The following ZNF875 variants were observed in gnomAD, a reference collection of about 807,000 sequenced individuals.
ZNF875 encodes HKR1, GLI-Kruppel zinc finger family member.
ZNF875 carries 14 observed loss-of-function variants against 11.2 expected under a neutral mutation model. The ratio of observed to expected loss-of-function variants is 1.26; its 90% confidence interval spans 0.83 to 1.96. The LOEUF (loss-of-function observed/expected upper bound fraction) is 1.96. ZNF875 is among the 30% of genes most tolerant of loss of function. The pLI, the probability that ZNF875 is intolerant of heterozygous loss-of-function variation, is 0.00. For missense variants in ZNF875, 752 were observed against 760.4 expected, an observed-to-expected ratio of 0.99 and a Z score of 0.13; for synonymous variants, 301 against 281.1, an observed-to-expected ratio of 1.07 and a Z score of -0.71.
intron 4 of ZNF875, among the ~76,000 whole-genome samples, chr19:37,353,259 A>G (rs1201040513): frequency 1.3e-5 from 2 of 152,170 alleles, no homozygotes; most frequent in Admixed American, 1.3e-4. Context: ...CAGGGCTTAC[A>G]ATATGTATTT....
chr19:37,326,915 G>A (rs1030955299), intron 4 of ZNF875, among the ~76,000 whole-genome samples: 9 of 151,800 alleles, frequency 5.9e-5, no homozygotes, highest in African/African-American at 1.9e-4. Flanking sequence ...TGATCTGCCC[G>A]CCTCAGCCTC....
At chr19:37,333,141 A>G (rs1212482064), upstream of ZNF875, among the ~76,000 whole-genome samples, 3 of 152,158 alleles carry the variant, frequency 2.0e-5, no homozygotes, top group Non-Finnish European at 4.4e-5. Flanking sequence ...TTTATTACAA[A>G]TACCCCATCA....
intron 4 of ZNF875, among the ~76,000 whole-genome samples, chr19:37,325,221 A>T (rs1234855415): frequency 1.3e-5 from 2 of 152,110 alleles, no homozygotes; most frequent in East Asian, 3.9e-4. Flanking sequence ...CTGTGCATAG[A>T]TGGGGGCCCG....
chr19:37,317,660 C>T (rs1312033308), upstream of ZNF875, among the ~76,000 whole-genome samples: 4 of 152,244 alleles, frequency 2.6e-5, no homozygotes, highest in Non-Finnish European at 5.9e-5. Flanking sequence ...CGTTCCAGCG[C>T]TGAAATGCGC....
chr19:37,320,297 A>C (rs1326340846), intron 1 of ZNF875, among the ~76,000 whole-genome samples: 1 of 152,220 alleles, frequency 6.6e-6, no homozygotes, highest in Non-Finnish European at 1.5e-5. Flanking sequence ...TCTTGAATAC[A>C]GGCTGTAGAG....
chr19:37,355,643 T>C (rs1031123488), intron 4 of ZNF875, among the ~76,000 whole-genome samples: 9 of 152,188 alleles, frequency 5.9e-5, no homozygotes, highest in Middle Eastern at 3.2e-3. Flanking sequence ...TAGAATAATA[T>C]GGTTTTTTAC....
intron 4 of ZNF875, among the ~76,000 whole-genome samples, chr19:37,349,934 C>T (rs1448216484): frequency 6.7e-6 from 1 of 150,268 alleles, no homozygotes. Context: ...GGATTACAGA[C>T]GTGAGCCACC....
exon 1 of ZNF875, chr19:37,317,928 C>G (rs1173862767): frequency 6.5e-6 from 1 of 154,582 alleles, no homozygotes; most frequent in Non-Finnish European, 1.4e-5. Context: ...CAGATGGCGT[C>G]CGAGTGCACA....
chr19:37,320,921 C>G (rs1381129865), intron 1 of ZNF875, among the ~76,000 whole-genome samples: 1 of 152,218 alleles, frequency 6.6e-6, no homozygotes, highest in Non-Finnish European at 1.5e-5. Context: ...AACCCTACCC[C>G]CAACCCTGTG....
upstream of ZNF875, among the ~76,000 whole-genome samples, chr19:37,332,904 T>G (rs966269321): frequency 3.9e-5 from 6 of 152,184 alleles, no homozygotes; most frequent in African/African-American, 1.4e-4. Context: ...GTGGTTCAGA[T>G]TTACAAGGGT....
At chr19:37,330,758 G>A (rs879944381), upstream of ZNF875, among the ~76,000 whole-genome samples, 92 of 152,078 alleles carry the variant, frequency 6.0e-4, 3 homozygotes, top group Admixed American at 4.8e-3. Context: ...TTGACTCATT[G>A]GTGACAGAGT....
At chr19:37,324,401 C>A (rs1205508782) in intron 4 of ZNF875, 1 of 152,174 alleles carries the variant, frequency 6.6e-6, no homozygotes, top group Non-Finnish European at 1.5e-5. Flanking sequence ...ACCTCAGGCT[C>A]CAACCATACC....
chr19:37,358,975 A>G (rs1302507185), intron 4 of ZNF875, among the ~76,000 whole-genome samples: 1 of 151,730 alleles, frequency 6.6e-6, no homozygotes, highest in Non-Finnish European at 1.5e-5. Flanking sequence ...ATCTCGGCTC[A>G]CTGCAACCTC....
intron 3 of ZNF875, 185 bp downstream of exon 3, chr19:37,347,501 T>C (rs900792585): frequency 6.4e-6 from 4 of 625,302 alleles, no homozygotes; most frequent in South Asian, 6.1e-5. Flanking sequence ...ATTCATGTTA[T>C]GGATGACACT....
intron 4 of ZNF875, among the ~76,000 whole-genome samples, chr19:37,353,868 T>G (rs1392306673): frequency 2.0e-5 from 3 of 152,176 alleles, no homozygotes; most frequent in Non-Finnish European, 4.4e-5. Context: ...TTCTTTGTGT[T>G]TCTACTACTT....
chr19:37,320,814 CTG>C (rs1199179729), intron 1 of ZNF875, among the ~76,000 whole-genome samples: 4 of 152,182 alleles, frequency 2.6e-5, no homozygotes, highest in Non-Finnish European at 5.9e-5. Context: ...AGGGATCAGA[CTG>C]TTACTGTGTT....
Position 37,362,587 on chromosome 19 carries a change from G to A in ZNF875, c.735G>A (p.Gln245=). 1 of 1,614,134 alleles carries A rather than the reference G, an allele frequency of 6.2e-7. No homozygotes were observed. Among genetic ancestry groups the A allele is most frequent in the Non-Finnish European group, 8.5e-7 (1 of 1,180,016 alleles). ...AGGAGTCAAACCTCCTTAGCCTCCAGAAGACACAAACTGGGGAGACACCTT... is the reference window on the plus strand; with the variant it reads ...AGGAGTCAAACCTCCTTAGCCTCCAAAAGACACAAACTGGGGAGACACCTT... ...FIKESNLLSL[Q]KTQTGETPYM... The change falls in exon 5 of 5, where the codon CAG becomes CAA. Residue 245 remains glutamine (Q), a synonymous_variant. Transcript: ENST00000392153.
At chr19:37,313,533 CCTA>C (rs2030050706), upstream of ZNF875, among the ~76,000 whole-genome samples, 1 of 152,122 alleles carries the variant, frequency 6.6e-6, no homozygotes, top group Non-Finnish European at 1.5e-5. Flanking sequence ...CATCACTGAC[CCTA>C]CATACCTACA....
upstream of ZNF875, chr19:37,315,058 C>CG (rs1438313838): frequency 3.3e-5 from 5 of 152,092 alleles, no homozygotes; most frequent in Non-Finnish European, 5.9e-5. Context: ...CCCCTAACCC[C>CG]GGGCCACCAC....
Sources: gnomAD v4.1 joint callset for allele counts (sites outside exome capture counted in the v4.1 genomes callset) on GRCh38, gnomAD v4.1.1 for gene constraint, MANE v1.5 for transcripts, NCBI Gene and HGNC (gene_info 2026-07-23, HGNC 2026-07-21) for gene names.